LINGO2: variants seen among roughly 807,000 people sequenced by gnomAD.
LINGO2 encodes leucine rich repeat and Ig domain containing 2, also known as leucine-rich repeat and immunoglobulin-like domain-containing nogo receptor-interacting protein 2.
In LINGO2, 14 loss-of-function variants were observed where a neutral mutation model predicts 30.6. The observed-to-expected ratio is 0.46, with a 90% CI of 0.30 to 0.72. The LOEUF (loss-of-function observed/expected upper bound fraction) is 0.72, where lower values mean the gene tolerates loss of function less well. Ranked by LOEUF, LINGO2 falls within the 30% of genes least tolerant of loss-of-function variation. The probability of loss-of-function intolerance (pLI) is 0.07; values close to 1 mark genes in which losing one functional copy is unlikely to be tolerated. For missense variants in LINGO2, 729 were observed against 751.7 expected, an observed-to-expected ratio of 0.97 and a Z score of 0.35; for synonymous variants, 317 against 288.5, an observed-to-expected ratio of 1.10 and a Z score of -1.00.
chr9:27,944,575 A>C (rs1823291875), downstream of LINGO2: 1 of 152,214 alleles, frequency 6.6e-6, no homozygotes, highest in African/African-American at 2.4e-5. Flanking sequence ...ACCCAAAGGC[A>C]GAATAATTCC....
the LINGO2 span, among the ~76,000 whole-genome samples, chr9:28,975,233 A>AG: frequency 1.3e-5 from 2 of 152,124 alleles, no homozygotes; most frequent in Non-Finnish European, 2.9e-5. Context: ...GGAAAAGCAG[A>AG]GAAAAAAAAC....
intron 1 of LINGO2, among the ~76,000 whole-genome samples, chr9:28,575,337 T>C (rs912770601): frequency 1.3e-5 from 2 of 150,594 alleles, no homozygotes; most frequent in Non-Finnish European, 3.0e-5. Context: ...CGGCAGAGGT[T>C]GCAGTGAGCC....
At chr9:28,869,071 C>T in the LINGO2 span, among the ~76,000 whole-genome samples, 1 of 151,882 alleles carries the variant, frequency 6.6e-6, no homozygotes, top group Non-Finnish European at 1.5e-5. Flanking sequence ...TTTATCACTG[C>T]CAAAGATCAG....
intron 4 of LINGO2, among the ~76,000 whole-genome samples, chr9:28,052,720 CAAGA>C (rs1210957269): frequency 1.3e-5 from 2 of 151,754 alleles, no homozygotes; most frequent in Admixed American, 1.3e-4. Flanking sequence ...AATTGGAGCC[CAAGA>C]AAGTAAAAGA....
the LINGO2 span, among the ~76,000 whole-genome samples, chr9:28,848,391 GTGTGTGTATATA>G: frequency 0.015 from 824 of 54,978 alleles, 3 homozygotes; most frequent in Middle Eastern, 0.068. Context: ...GTGTGTGTGT[GTGTGTGTATATA>G]TATATATATA....
At chr9:28,595,348 A>G (rs1411732192) in intron 1 of LINGO2, among the ~76,000 whole-genome samples, 2 of 152,034 alleles carry the variant, frequency 1.3e-5, no homozygotes, top group Non-Finnish European at 2.9e-5. Flanking sequence ...TCTAGTACCT[A>G]TCTTTCACTC....
At chr9:28,364,895 T>A (rs1160106482) in intron 3 of LINGO2, among the ~76,000 whole-genome samples, 2 of 152,224 alleles carry the variant, frequency 1.3e-5, no homozygotes, top group Non-Finnish European at 2.9e-5. Flanking sequence ...ATTTATTTCA[T>A]TCATTCAAAT....
chr9:27,953,251 C>T (rs1819402396), intron 5 of LINGO2, among the ~76,000 whole-genome samples: 2 of 151,996 alleles, frequency 1.3e-5, no homozygotes, highest in African/African-American at 4.8e-5. Flanking sequence ...TATCTAAGTT[C>T]AATATGTTAA....
At chr9:28,307,960 G>A (rs1461094609) in intron 3 of LINGO2, among the ~76,000 whole-genome samples, 1 of 151,946 alleles carries the variant, frequency 6.6e-6, no homozygotes, top group African/African-American at 2.4e-5. Context: ...AACATTCCAT[G>A]CTCATGGGTA....
chr9:28,379,066 G>A (rs1337195907), intron 2 of LINGO2, among the ~76,000 whole-genome samples: 2 of 151,888 alleles, frequency 1.3e-5, no homozygotes, highest in African/African-American at 4.8e-5. Context: ...TATCAGCATG[G>A]AAAATAATAT....
chr9:27,987,510 C>A (rs566170934), intron 5 of LINGO2, among the ~76,000 whole-genome samples: 1 of 151,946 alleles, frequency 6.6e-6, no homozygotes, highest in South Asian at 2.1e-4. Flanking sequence ...CTGTACCCCC[C>A]AAACAGCTAA....
At chr9:28,578,951 A>G (rs1185262285) in intron 1 of LINGO2, among the ~76,000 whole-genome samples, 2 of 152,210 alleles carry the variant, frequency 1.3e-5, no homozygotes, top group Non-Finnish European at 2.9e-5. Context: ...ATGCCATCAC[A>G]TAAATGCATG....
At chr9:28,404,900 TTGTG>T (rs60281661) in intron 2 of LINGO2, among the ~76,000 whole-genome samples, 14 of 102,450 alleles carry the variant, frequency 1.4e-4, no homozygotes, top group African/African-American at 3.8e-4. Context: ...CTCAGCCGCT[TTGTG>T]TGTGTGTGTG....
chr9:28,011,348 G>C (rs1211330673), intron 5 of LINGO2, among the ~76,000 whole-genome samples: 1 of 152,156 alleles, frequency 6.6e-6, no homozygotes. Flanking sequence ...TGGAGAAAAG[G>C]AATCAAATAC....
chr9:28,072,838 G>A (rs118067779), intron 4 of LINGO2, among the ~76,000 whole-genome samples: 1,845 of 152,074 alleles, frequency 0.012, 30 homozygotes, highest in Non-Finnish European at 0.015. Flanking sequence ...GAAAGGGCAG[G>A]AATGGACAAC....
the LINGO2 span, among the ~76,000 whole-genome samples, chr9:28,849,128 C>T: frequency 0.052 from 6,372 of 123,672 alleles, 387 homozygotes; most frequent in African/African-American, 0.17. Context: ...GTAGATCTTC[C>T]ACTATCACCA....
the LINGO2 span, among the ~76,000 whole-genome samples, chr9:28,872,566 CA>C: frequency 1.3e-5 from 2 of 152,050 alleles, no homozygotes; most frequent in African/African-American, 2.4e-5. Context: ...CTGTTCATGG[CA>C]AAAAGATTCC....
intron 4 of LINGO2, among the ~76,000 whole-genome samples, chr9:28,092,090 C>A (rs990318163): frequency 2.0e-5 from 3 of 152,026 alleles, no homozygotes; most frequent in African/African-American, 7.2e-5. Flanking sequence ...ACTTTTACAC[C>A]GTTGGTGGGA....
At chr9:28,358,449 A>G (rs1462209661) in intron 3 of LINGO2, among the ~76,000 whole-genome samples, 1 of 152,154 alleles carries the variant, frequency 6.6e-6, no homozygotes, top group East Asian at 1.9e-4. Flanking sequence ...GGAGAGAATA[A>G]TTCATGAGAT....
Sources: allele counts gnomAD v4.1 joint callset (sites outside exome capture counted in the v4.1 genomes callset), GRCh38; gene constraint gnomAD v4.1.1; transcripts MANE v1.5; gene names NCBI Gene and HGNC (gene_info 2026-07-23, HGNC 2026-07-21).